Variants in ECPAS observed in about 807,000 individuals in gnomAD.
ECPAS encodes the protein Ecm29 proteasome adaptor and scaffold, also known as proteasome adapter and scaffold protein ECM29.
A neutral mutation model predicts 255.1 loss-of-function variants in ECPAS; 70 were observed. The ratio of observed to expected loss-of-function variants is 0.27; its 90% confidence interval spans 0.23 to 0.33. The LOEUF (loss-of-function observed/expected upper bound fraction) is 0.33. Among genes scored for constraint, ECPAS ranks in the 10% least tolerant of loss-of-function variants. The probability of loss-of-function intolerance (pLI) is 1.00; values close to 1 mark genes in which losing one functional copy is unlikely to be tolerated. For missense variants in ECPAS, 1,817 were observed against 2,206.4 expected (o/e 0.82, Z 3.54); for synonymous variants, 784 against 775.0 (o/e 1.01, Z -0.19).
chr9:111,371,716 T>A lies in ECPAS; in HGVS notation c.4642A>T (p.Ile1548Phe), dbSNP rs767011360. The change falls in exon 43 of 50, where the codon ATT (isoleucine) becomes TTT (phenylalanine). Residue 1548 changes from isoleucine to phenylalanine, a missense_variant. Ile to Phe is a conservative substitution (Grantham distance 21). Transcript: ENST00000684092. ...ACTAGAGAGCTAGTCTGTTTTGCAA[T>A]TGATGCCATGGCAATTGCACCCTGG... ...KAQGAIAMAS[I>F]AKQTSSLVPP... The A allele has an allele frequency of 1.2e-6, 2 of 1,613,786 alleles. No homozygotes were observed. The highest frequency in any genetic ancestry group is 2.7e-5 in the African/African-American group (2 of 74,896).
Position 111,484,254 on chromosome 9 carries a change from G to A in ECPAS, c.-221C>T, listed in dbSNP as rs763060900. ...GTGAGGGGCTGGGCCGAGCGGGCCC[G>A]GGCTGCCCTAGCGGCCGGGGGAAAT... On this transcript the variant is annotated 5_prime_UTR_variant, in exon 1 of 50. Transcript: ENST00000684092. The A allele has an allele frequency of 6.7e-7, 1 of 1,490,810 alleles. No homozygotes were observed. The highest frequency in any genetic ancestry group is 8.9e-7 in the Non-Finnish European group (1 of 1,124,986). The allele number at this position is 1,490,810 out of a possible 1,614,324, so 92.3% of individuals were successfully genotyped here.
chr9:111,471,120 G>A (rs2098287506), intron 2 of ECPAS, among the ~76,000 whole-genome samples: 2 of 152,182 alleles, frequency 1.3e-5, no homozygotes, highest in South Asian at 4.1e-4. Context: ...GGGTGTGTAA[G>A]CCCTAGAATG....
chr9:111,415,069 G>C (rs944093174), intron 18 of ECPAS, among the ~76,000 whole-genome samples: 11 of 152,178 alleles, frequency 7.2e-5, no homozygotes, highest in Admixed American at 3.3e-4. Flanking sequence ...GAGCAGAAAA[G>C]ATAACTATGG....
In ECPAS at chr9:111,484,339, C is replaced by T. The variant is rs746889969; in HGVS notation, c.-306G>A. 5.6e-6 allele frequency: 9 copies of T among 1,607,110 alleles called. No homozygotes were observed. The highest frequency in any genetic ancestry group is 1.3e-5 in the African/African-American group (1 of 74,768). On this transcript the variant is annotated 5_prime_UTR_variant, in exon 1 of 50. Coordinates refer to ENST00000684092, the MANE Select transcript of ECPAS (RefSeq NM_001364929.1). ...TCTGCGGCTGTCACGTTGGCTGGGC[C>T]CGACCTGGGGAAACACGCCTGTCCA...
At chr9:111,392,547 A>G (rs10512410) in intron 28 of ECPAS, among the ~76,000 whole-genome samples, 9,717 of 152,298 alleles carry the variant, frequency 0.064, 453 homozygotes, top group East Asian at 0.2. Flanking sequence ...ATCTGAGACC[A>G]TTAAACTTTC....
intron 15 of ECPAS, 107 bp from the exon 16 acceptor site, chr9:111,420,227 C>G: frequency 1.5e-6 from 1 of 672,056 alleles, no homozygotes; most frequent in Non-Finnish European, 2.6e-6. Flanking sequence ...TAACTGTAAA[C>G]AATTCAAAAT....
chr9:111,459,192 C>T (rs1345100904), intron 2 of ECPAS, among the ~76,000 whole-genome samples: 1 of 151,898 alleles, frequency 6.6e-6, no homozygotes, highest in Non-Finnish European at 1.5e-5. Context: ...TACATTATTC[C>T]TTTAATTTTA....
chr9:111,462,851 T>G (rs2098274827), intron 2 of ECPAS, among the ~76,000 whole-genome samples: 1 of 150,728 alleles, frequency 6.6e-6, no homozygotes, highest in Non-Finnish European at 1.5e-5. Flanking sequence ...CAAGCGATTC[T>G]CCTGCCTCAG....
At chr9:111,381,059 G>A (rs1335367473) in intron 35 of ECPAS, among the ~76,000 whole-genome samples, 1 of 152,234 alleles carries the variant, frequency 6.6e-6, no homozygotes, top group East Asian at 1.9e-4. Flanking sequence ...CTTCGTTTAA[G>A]AACATTTCCT....
intron 1 of ECPAS, among the ~76,000 whole-genome samples, chr9:111,478,892 C>T (rs767245447): frequency 3.9e-4 from 60 of 152,214 alleles, no homozygotes; most frequent in Non-Finnish European, 8.8e-5. Flanking sequence ...CTTTTGTACC[C>T]AACAGCAATG....
intron 16 of ECPAS, among the ~76,000 whole-genome samples, chr9:111,419,046 T>C (rs1202528627): frequency 1.3e-5 from 2 of 152,078 alleles, no homozygotes; most frequent in East Asian, 1.9e-4. Context: ...CAGCAAAATA[T>C]ATACAACTTA....
At chr9:111,393,254 T>C (rs1446029692) in intron 27 of ECPAS, among the ~76,000 whole-genome samples, 1 of 152,166 alleles carries the variant, frequency 6.6e-6, no homozygotes, top group Non-Finnish European at 1.5e-5. Context: ...TAAAAGTCAA[T>C]GCAAGACCAT....
intron 35 of ECPAS, among the ~76,000 whole-genome samples, chr9:111,382,418 CCA>C (rs2098141808): frequency 6.6e-6 from 1 of 151,988 alleles, no homozygotes; most frequent in African/African-American, 2.4e-5. Context: ...GCATGCACCA[CCA>C]CACCCGGCTA....
intron 3 of ECPAS, among the ~76,000 whole-genome samples, chr9:111,445,077 C>G (rs1308830285): frequency 6.8e-6 from 1 of 146,680 alleles, no homozygotes; most frequent in Non-Finnish European, 1.5e-5. Context: ...CTCACCGCAA[C>G]TTCTGCCTTC....
chr9:111,440,543 T>C (rs749803259), intron 5 of ECPAS, 22 bp from the exon 6 acceptor site: 3 of 1,526,120 alleles, frequency 2.0e-6, no homozygotes, highest in South Asian at 2.5e-5. Context: ...ATTACATTTA[T>C]TGCAACTACT....
In ECPAS at chr9:111,445,396, C is replaced by G. The variant is rs187825430; in HGVS notation, c.154-902G>C. On this transcript the variant is annotated intron_variant, in intron 3 of 49. Coordinates refer to ENST00000684092, the MANE Select transcript of ECPAS (RefSeq NM_001364929.1). The stretch of plus-strand genomic sequence containing the variant: ...AGAAGAACAGATTATTGCAACACAC[C>G]ATGAATACTATGAAAAGAGAGACAT... Among the ~76,000 whole-genome samples the G allele has an allele frequency of 1.5e-3, 233 of 151,830 alleles. 1 individual carries two copies. The highest frequency in any genetic ancestry group is 5.5e-3 in the African/African-American group (227 of 41,384).
chr9:111,367,391 G>T (rs2098121691), intron 46 of ECPAS, among the ~76,000 whole-genome samples: 1 of 152,146 alleles, frequency 6.6e-6, no homozygotes, highest in Non-Finnish European at 1.5e-5. Context: ...AGTTCCTAAA[G>T]AAAAGGCCTT....
At chr9:111,380,971 A>G in intron 35 of ECPAS, among the ~76,000 whole-genome samples, 1 of 152,248 alleles carries the variant, frequency 6.6e-6, no homozygotes, top group East Asian at 1.9e-4. Context: ...TATCCAGAAT[A>G]TTCAAACTTT....
intron 32 of ECPAS, among the ~76,000 whole-genome samples, chr9:111,385,749 T>A (rs1157279814): frequency 3.3e-5 from 5 of 152,204 alleles, no homozygotes; most frequent in Non-Finnish European, 7.3e-5. Context: ...CGAATGAATC[T>A]AACTTGTATA....
Sources: gnomAD v4.1 joint callset for allele counts (sites outside exome capture counted in the v4.1 genomes callset) on GRCh38, gnomAD v4.1.1 for gene constraint, MANE v1.5 for transcripts, NCBI Gene and HGNC (gene_info 2026-07-23, HGNC 2026-07-21) for gene names.